Variants in SPATA6 observed in about 807,000 individuals in gnomAD.
SPATA6 encodes spermatogenesis-associated protein 6.
SPATA6 carries 56 observed loss-of-function variants against 65.3 expected under a neutral mutation model. The ratio of observed to expected loss-of-function variants is 0.86; its 90% CI spans 0.69 to 1.07. SPATA6 has a LOEUF of 1.07. Among genes scored for constraint, SPATA6 ranks in the 50% least tolerant of loss-of-function variants. The pLI, the probability that SPATA6 is intolerant of heterozygous loss-of-function variation, is 0.00. For synonymous variants in SPATA6, 199 were observed against 213.2 expected, an observed-to-expected ratio of 0.93 and a Z score of 0.58; for missense variants, 590 against 594.8, an observed-to-expected ratio of 0.99 and a Z score of 0.08.
chr1:48,439,835 G>A (rs1005054480), intron 3 of SPATA6, among the ~76,000 whole-genome samples: 6 of 152,040 alleles, frequency 3.9e-5, no homozygotes, highest in Admixed American at 1.3e-4. Context: ...ATTTTTTTCT[G>A]CACTATGGCC....
chr1:48,282,191 G>C, the SPATA6 span, among the ~76,000 whole-genome samples: 1 of 152,100 alleles, frequency 6.6e-6, no homozygotes, highest in Non-Finnish European at 1.5e-5. Context: ...ATTCAAGATG[G>C]ATTAAAGACT....
chr1:48,331,439 T>C (rs1306669019), intron 11 of SPATA6, among the ~76,000 whole-genome samples: 1 of 148,676 alleles, frequency 6.7e-6, no homozygotes, highest in Non-Finnish European at 1.5e-5. Context: ...ATATCACAAG[T>C]ATTAACAGCA....
At chr1:48,399,273 A>T in intron 7 of SPATA6, 78 bp downstream of exon 7, 1 of 1,465,604 alleles carries the variant, frequency 6.8e-7, no homozygotes, top group South Asian at 1.3e-5. Flanking sequence ...CTAGAAGTTG[A>T]AAGATATTTC....
intron 8 of SPATA6, among the ~76,000 whole-genome samples, chr1:48,394,172 CAAAATA>C (rs1650347578): frequency 6.6e-6 from 1 of 151,956 alleles, no homozygotes. Context: ...ATGCCAAAAT[CAAAATA>C]AAAAGTTAAA....
chr1:48,313,493 C>G (rs1570055981), intron 11 of SPATA6, among the ~76,000 whole-genome samples: 1 of 152,184 alleles, frequency 6.6e-6, no homozygotes, highest in African/African-American at 2.4e-5. Context: ...CAAGCAAATG[C>G]TGAGAGATTT....
At chr1:48,286,716 C>A in the SPATA6 span, among the ~76,000 whole-genome samples, 2 of 151,950 alleles carry the variant, frequency 1.3e-5, no homozygotes, top group Non-Finnish European at 1.5e-5. Context: ...TAAAGTAATA[C>A]CTGACACTGT....
chr1:48,360,429 G>A (rs1204012337), intron 9 of SPATA6, among the ~76,000 whole-genome samples: 1 of 152,080 alleles, frequency 6.6e-6, no homozygotes, highest in Non-Finnish European at 1.5e-5. Context: ...GGGATAGTCA[G>A]TAGGAACCTC....
chr1:48,348,414 T>C (rs141601553), intron 11 of SPATA6, among the ~76,000 whole-genome samples: 63 of 152,156 alleles, frequency 4.1e-4, no homozygotes, highest in African/African-American at 1.4e-3. Context: ...TTCTACAGTT[T>C]TGTATAATAT....
intron 9 of SPATA6, among the ~76,000 whole-genome samples, chr1:48,368,027 T>A (rs966017197): frequency 2.5e-4 from 38 of 152,208 alleles, no homozygotes; most frequent in Non-Finnish European, 4.0e-4. Context: ...CTTGTCTGTA[T>A]AGTATTTTAT....
chr1:48,315,389 C>A (rs1645379275), intron 11 of SPATA6, among the ~76,000 whole-genome samples: 1 of 152,096 alleles, frequency 6.6e-6, no homozygotes, highest in African/African-American at 2.4e-5. Flanking sequence ...GTTCAACATA[C>A]ACAAATCAAT....
At chr1:48,353,170 T>C (rs551988744) in intron 11 of SPATA6, among the ~76,000 whole-genome samples, 13 of 152,004 alleles carry the variant, frequency 8.6e-5, no homozygotes, top group African/African-American at 2.9e-4. Context: ...TTCTTGTGTT[T>C]TATACATGTA....
chr1:48,435,797 G>A (rs1191864232), intron 3 of SPATA6, among the ~76,000 whole-genome samples: 1 of 152,170 alleles, frequency 6.6e-6, no homozygotes, highest in East Asian at 1.9e-4. Context: ...CCCTCCGCGA[G>A]CAGGGCTCTG....
intron 11 of SPATA6, among the ~76,000 whole-genome samples, chr1:48,313,325 A>G (rs949006986): frequency 1.3e-5 from 2 of 152,242 alleles, no homozygotes; most frequent in Non-Finnish European, 2.9e-5. Context: ...AGGGAGGCCC[A>G]TCAGACTAAC....
At chr1:48,284,013 C>T in the SPATA6 span, among the ~76,000 whole-genome samples, 2 of 152,054 alleles carry the variant, frequency 1.3e-5, no homozygotes, top group African/African-American at 4.8e-5. Flanking sequence ...GGATAATATC[C>T]TGAAGAGTGT....
chr1:48,273,507 C>G, the SPATA6 span, among the ~76,000 whole-genome samples: 4 of 152,228 alleles, frequency 2.6e-5, no homozygotes, highest in African/African-American at 9.6e-5. Flanking sequence ...CACCCCACAA[C>G]AGGCCCCGGT....
At chr1:48,367,924 T>C (rs1028932132) in intron 9 of SPATA6, among the ~76,000 whole-genome samples, 1 of 152,232 alleles carries the variant, frequency 6.6e-6, no homozygotes, top group Non-Finnish European at 1.5e-5. Context: ...GTTTTTGCAG[T>C]GGCTGATACC....
intron 4 of SPATA6, among the ~76,000 whole-genome samples, chr1:48,412,563 C>G (rs1053738708): frequency 6.6e-6 from 1 of 152,194 alleles, no homozygotes; most frequent in African/African-American, 2.4e-5. Context: ...ACATTTTACA[C>G]ATAGTAGATC....
At chr1:48,406,201 T>C (rs1168172195) in intron 5 of SPATA6, among the ~76,000 whole-genome samples, 1 of 152,130 alleles carries the variant, frequency 6.6e-6, no homozygotes, top group Non-Finnish European at 1.5e-5. Flanking sequence ...CACTCCAGCC[T>C]GGGTGACAAA....
intron 3 of SPATA6, among the ~76,000 whole-genome samples, chr1:48,425,525 G>T (rs888304729): frequency 3.3e-5 from 5 of 152,134 alleles, no homozygotes; most frequent in Non-Finnish European, 7.4e-5. Context: ...TCAAAAAGAA[G>T]AATAAACTTG....
Sources: allele counts gnomAD v4.1 joint callset (sites outside exome capture counted in the v4.1 genomes callset), GRCh38; gene constraint gnomAD v4.1.1; transcripts MANE v1.5; gene names NCBI Gene and HGNC (gene_info 2026-07-23, HGNC 2026-07-21).